The following CHP1 variants were observed in gnomAD, a reference collection of about 807,000 sequenced individuals.
CHP1 encodes calcineurin B homologous protein 1.
A neutral mutation model predicts 27.4 loss-of-function variants in CHP1; 11 were observed. That is an observed-to-expected ratio of 0.40 (90% CI 0.25 to 0.67). CHP1 has a LOEUF of 0.67. Ranked by LOEUF, CHP1 falls within the 30% of genes least tolerant of loss-of-function variation. The pLI, the probability that CHP1 is intolerant of heterozygous loss-of-function variation, is 0.38. For synonymous variants in CHP1, 89 were observed against 87.4 expected (o/e 1.02, Z -0.10); for missense variants, 169 against 251.3 (o/e 0.67, Z 2.22).
chr15:41,263,926 G>A (rs900392866), intron 4 of CHP1, among the ~76,000 whole-genome samples: 3 of 152,082 alleles, frequency 2.0e-5, no homozygotes, highest in African/African-American at 4.8e-5. Context: ...GGATTTGGGC[G>A]TTACATGGTG....
At chr15:41,236,939 C>G (rs982368887) in intron 1 of CHP1, among the ~76,000 whole-genome samples, 15 of 150,624 alleles carry the variant, frequency 1.0e-4, no homozygotes, top group African/African-American at 3.7e-4. Flanking sequence ...AAGCCATTCT[C>G]TTGCCTCAGC....
intron 2 of CHP1, among the ~76,000 whole-genome samples, chr15:41,247,891 C>T (rs1216583146): frequency 6.6e-6 from 1 of 151,848 alleles, no homozygotes; most frequent in Non-Finnish European, 1.5e-5. Flanking sequence ...ATGGTGTGAA[C>T]CCGGGAGGCG....
At chr15:41,242,756 C>T (rs1309952155) in intron 1 of CHP1, among the ~76,000 whole-genome samples, 1 of 151,376 alleles carries the variant, frequency 6.6e-6, no homozygotes, top group African/African-American at 2.4e-5. Flanking sequence ...CCATCCTGGT[C>T]AACATGGCAA....
chr15:41,256,771 G>A lies in CHP1; in HGVS notation c.141-139G>A, dbSNP rs2047402585. The stretch of plus-strand genomic sequence containing the variant: ...AGCTATTAAAGTGCTATTCTTTGCA[G>A]TTATTTGGTATAATTTGCCACAGAA... On this transcript the variant is annotated intron_variant, in intron 2 of 6. Coordinates refer to ENST00000334660, the MANE Select transcript of CHP1 (RefSeq NM_007236.5). The A allele has an allele frequency of 1.1e-5, 8 of 712,136 alleles. No individual in the cohort carries two copies. The South Asian group carries it at 1.3e-4, about 11-fold the overall frequency. The allele number at this position is 712,136 out of a possible 1,614,324, so 44.1% of individuals were successfully genotyped here.
At chr15:41,277,702 C>T (rs746341601) in intron 5 of CHP1, among the ~76,000 whole-genome samples, 10 of 150,576 alleles carry the variant, frequency 6.6e-5, no homozygotes, top group African/African-American at 9.8e-5. Context: ...GCAGGGGAAT[C>T]GCTTGAACTG....
chr15:41,255,775 G>T (rs2047397447), intron 2 of CHP1, among the ~76,000 whole-genome samples: 1 of 152,002 alleles, frequency 6.6e-6, no homozygotes, highest in Non-Finnish European at 1.5e-5. Flanking sequence ...CAGCACTTTG[G>T]GAGGCCGAGG....
At chr15:41,279,038 T>C (rs1595484583) in intron 6 of CHP1, 149 bp downstream of exon 6, 23 of 1,004,896 alleles carry the variant, frequency 2.3e-5, no homozygotes, top group South Asian at 2.1e-4. Context: ...TGGTGAAACC[T>C]CATCTGTACT....
At chr15:41,241,964 T>C (rs1472527148) in intron 1 of CHP1, among the ~76,000 whole-genome samples, 4 of 152,324 alleles carry the variant, frequency 2.6e-5, no homozygotes, top group Admixed American at 1.3e-4. Flanking sequence ...CTCTGTTTGT[T>C]TCCCCTCTCT....
chr15:41,279,125 C>T (rs758539946), intron 6 of CHP1, among the ~76,000 whole-genome samples: 2 of 151,442 alleles, frequency 1.3e-5, no homozygotes, highest in Non-Finnish European at 2.9e-5. Flanking sequence ...GCAGGAGAAT[C>T]GCTTGAACCC....
intron 2 of CHP1, among the ~76,000 whole-genome samples, chr15:41,245,319 G>GGCGTGGTGGTGGGCGCCTGT (rs371367907): frequency 6.6e-6 from 1 of 152,040 alleles, no homozygotes; most frequent in Non-Finnish European, 1.5e-5. Flanking sequence ...AAATTAGCGT[G>GGCGTGGTGGTGGGCGCCTGT]GCGTGGTGGT....
intron 5 of CHP1, 150 bp from the exon 6 acceptor site, chr15:41,278,617 G>A (rs1056203950): frequency 1.3e-5 from 11 of 836,764 alleles, no homozygotes; most frequent in South Asian, 7.4e-5. Context: ...ATATGCAGTC[G>A]GTCATTAACC....
chr15:41,264,270 A>C, intron 4 of CHP1: 1 of 1,184,138 alleles, frequency 8.4e-7, no homozygotes, highest in African/African-American at 1.6e-5. Context: ...AAGTCAGTTC[A>C]GGTCAGGAGA....
rs1208472893 is a variant in CHP1 at position 41,231,307 on chromosome 15, T to TTCCTTCCCTCCC, written c.-64_-53dup. 1 of 1,415,946 alleles carries TTCCTTCCCTCCC rather than the reference T, an allele frequency of 7.1e-7. No homozygotes were observed. Among genetic ancestry groups the TTCCTTCCCTCCC allele is most frequent in the East Asian group, 2.5e-5 (1 of 40,496 alleles). 87.7% of individuals were successfully genotyped at this position (1,415,946 alleles called of 1,614,324 possible). A position where few individuals can be genotyped will look rare whatever the true frequency, so the allele number is the denominator to read the frequency against. ...CCTCTCCCTTCTTGACCCCTAGCCC[T>TTCCTTCCCTCCC]TCCTTCCCTCCCTCCTTCCCTCCTG... On this transcript the variant is annotated 5_prime_UTR_variant, in exon 1 of 7. Coordinates refer to ENST00000334660, the MANE Select transcript of CHP1 (RefSeq NM_007236.5).
intron 5 of CHP1, among the ~76,000 whole-genome samples, chr15:41,273,687 TAAA>T (rs879274672): frequency 6.4e-5 from 9 of 141,048 alleles, no homozygotes; most frequent in Admixed American, 2.1e-4. Context: ...ATTCATGATT[TAAA>T]AAAAAAAAAA....
At chr15:41,247,951 A>G (rs1433333057) in intron 2 of CHP1, among the ~76,000 whole-genome samples, 1 of 152,080 alleles carries the variant, frequency 6.6e-6, no homozygotes, top group African/African-American at 2.4e-5. Flanking sequence ...CCTGGGCGAC[A>G]GAGCAAGACT....
At position 41,241,072 on chromosome 15, in the gene CHP1, C is replaced by T. The variant is rs918371104; in HGVS notation, c.68-2595C>T. Among the ~76,000 whole-genome samples, 3 of 152,098 alleles carry T rather than the reference C, an allele frequency of 2.0e-5. No homozygotes were observed. In the East Asian group the frequency reaches 5.8e-4, roughly 29 times the overall value. ...TTCGCCATGTTGGCCAGGATGGTCT[C>T]GATCTCTTTTCCTCAGCATCCGCCC... On this transcript the variant is annotated intron_variant, in intron 1 of 6. Transcript: ENST00000334660.
At chr15:41,253,646 G>A (rs974189961) in intron 2 of CHP1, among the ~76,000 whole-genome samples, 9 of 151,538 alleles carry the variant, frequency 5.9e-5, no homozygotes, top group Admixed American at 4.0e-4. Context: ...AGTAGAGACG[G>A]GGTTTCACCG....
chr15:41,262,662 C>A, intron 3 of CHP1, 94 bp from the exon 4 acceptor site: 1 of 1,487,046 alleles, frequency 6.7e-7, no homozygotes, highest in Non-Finnish European at 9.2e-7. Flanking sequence ...ACCTTTCAGG[C>A]TACCGTAGCT....
chr15:41,268,725 C>A (rs2412610), intron 4 of CHP1, among the ~76,000 whole-genome samples: 1 of 151,332 alleles, frequency 6.6e-6, no homozygotes, highest in African/African-American at 2.4e-5. Flanking sequence ...TTAGATCATG[C>A]GGTTAGATCA....
Sources: allele counts gnomAD v4.1 joint callset (sites outside exome capture counted in the v4.1 genomes callset), GRCh38; gene constraint gnomAD v4.1.1; transcripts MANE v1.5; gene names NCBI Gene and HGNC (gene_info 2026-07-23, HGNC 2026-07-21).